TNNI3K: variants seen among roughly 807,000 people sequenced by gnomAD.
The protein encoded by TNNI3K is TNNI3 interacting kinase.
Under a neutral mutation model 114.5 loss-of-function variants are expected in TNNI3K, and 140 were observed. That is an observed-to-expected ratio of 1.22 (90% CI 1.07 to 1.41). TNNI3K has a LOEUF of 1.41. TNNI3K is among the 40% of genes most tolerant of loss of function. The pLI is 0.00. For missense variants in TNNI3K, 1,125 were observed against 1,007.6 expected (o/e 1.12, Z -1.58); for synonymous variants, 347 against 347.5 (o/e 1.00, Z 0.02).
At chr1:74,280,735 A>G (rs948600868) in intron 5 of TNNI3K, among the ~76,000 whole-genome samples, 1 of 152,130 alleles carries the variant, frequency 6.6e-6, no homozygotes, top group African/African-American at 2.4e-5. Flanking sequence ...TCCTGAAAAA[A>G]TTTGAAAGAC....
chr1:74,371,152 C>T (rs1662577169), intron 17 of TNNI3K: 1 of 151,856 alleles, frequency 6.6e-6, no homozygotes, highest in African/African-American at 2.4e-5. Context: ...CAATCACTTT[C>T]ATTTTATGAT....
At chr1:74,485,252 A>G (rs527634517) in intron 21 of TNNI3K, among the ~76,000 whole-genome samples, 1 of 152,338 alleles carries the variant, frequency 6.6e-6, no homozygotes, top group South Asian at 2.1e-4. Flanking sequence ...GAGTACAGTG[A>G]ATTTCCATGG....
chr1:74,512,530 A>C (rs1670281688), intron 23 of TNNI3K: 1 of 152,204 alleles, frequency 6.6e-6, no homozygotes, highest in South Asian at 2.1e-4. Context: ...ACTTACCCAA[A>C]GGTCTCACAG....
intron 17 of TNNI3K, among the ~76,000 whole-genome samples, chr1:74,383,338 G>A (rs1557534204): frequency 6.6e-6 from 1 of 151,742 alleles, no homozygotes; most frequent in Non-Finnish European, 1.5e-5. Flanking sequence ...GGCTTTCTTG[G>A]TGGAACTGCC....
Position 74,353,365 on chromosome 1 carries a change from G to T in TNNI3K, c.1027+5G>T. 2 of 1,613,262 alleles carry T rather than the reference G, an allele frequency of 1.2e-6. No homozygotes were observed. Among genetic ancestry groups the T allele is most frequent in the South Asian group, 2.2e-5 (2 of 90,890 alleles). On this transcript the variant is annotated splice_donor_5th_base_variant and intron_variant, in intron 10 of 24. Transcript: ENST00000326637. The stretch of plus-strand genomic sequence containing the variant: ...AAGGAAGGGATGGGCACACTGGTAA[G>T]ACTGTGGTGAAAACACCACTAGTTC...
intron 4 of TNNI3K, among the ~76,000 whole-genome samples, chr1:74,253,401 G>A (rs1655069073): frequency 6.6e-6 from 1 of 152,114 alleles, no homozygotes; most frequent in South Asian, 2.1e-4. Flanking sequence ...AGCACGCTTT[G>A]GGTAAGCTCG....
intron 4 of TNNI3K, among the ~76,000 whole-genome samples, chr1:74,252,840 A>G (rs1276597899): frequency 6.6e-6 from 1 of 152,172 alleles, no homozygotes; most frequent in East Asian, 1.9e-4. Context: ...CAGTAGCAAG[A>G]TTTATTGCAA....
At chr1:74,395,651 G>T (rs563249233) in intron 17 of TNNI3K, among the ~76,000 whole-genome samples, 27 of 152,288 alleles carry the variant, frequency 1.8e-4, no homozygotes, top group African/African-American at 6.0e-4. Flanking sequence ...CCCAATCCGT[G>T]GTTATGTCCT....
At chr1:74,287,825 C>T (rs1468959697) in intron 5 of TNNI3K, among the ~76,000 whole-genome samples, 2 of 151,982 alleles carry the variant, frequency 1.3e-5, no homozygotes, top group African/African-American at 2.4e-5. Context: ...TATTTGCAAA[C>T]CATACATCTG....
intron 4 of TNNI3K, among the ~76,000 whole-genome samples, chr1:74,257,111 C>G (rs1263339801): frequency 6.6e-6 from 1 of 152,018 alleles, no homozygotes; most frequent in African/African-American, 2.4e-5. Flanking sequence ...TAGATTATTT[C>G]TACTTATTTG....
intron 17 of TNNI3K, among the ~76,000 whole-genome samples, chr1:74,434,198 T>A (rs1487878377): frequency 6.6e-6 from 1 of 152,074 alleles, no homozygotes; most frequent in Non-Finnish European, 1.5e-5. Context: ...TGTTCTCTAA[T>A]TTCAAATTCC....
intron 4 of TNNI3K, among the ~76,000 whole-genome samples, chr1:74,256,212 C>G (rs1655285590): frequency 6.6e-6 from 1 of 150,384 alleles, no homozygotes; most frequent in African/African-American, 2.5e-5. Context: ...CAATTCCTTC[C>G]TACATTCCCA....
At position 74,353,346 on chromosome 1, in the gene TNNI3K, G is replaced by T. The variant is rs2100478258; in HGVS notation, c.1013G>T (p.Arg338Met). Residue 338 changes from arginine (R) to methionine (M), a missense_variant, in exon 10 of 25, where the codon AGG becomes ATG. Coordinates refer to ENST00000326637, the MANE Select transcript of TNNI3K (RefSeq NM_015978.3). Reference sequence around the variant, plus strand: ...GTCATAAACATCAACCACCAAGGAAGGGATGGGCACACTGGTAAGACTGTG... The same window carrying T: ...GTCATAAACATCAACCACCAAGGAATGGATGGGCACACTGGTAAGACTGTG... The part of the protein sequence containing the change: ...QNVININHQG[R>M]DGHTGLHSAC... 1 of 1,613,772 alleles carries T rather than the reference G, an allele frequency of 6.2e-7. No homozygotes were observed. The highest frequency in any genetic ancestry group is 1.1e-5 in the South Asian group (1 of 91,056).
chr1:74,324,851 G>C (rs930202166), intron 5 of TNNI3K, among the ~76,000 whole-genome samples: 1 of 152,166 alleles, frequency 6.6e-6, no homozygotes, highest in Non-Finnish European at 1.5e-5. Flanking sequence ...GATTGAGAGG[G>C]ATCACTGCTG....
intron 17 of TNNI3K, among the ~76,000 whole-genome samples, chr1:74,433,579 C>G (rs1265828577): frequency 2.0e-5 from 3 of 152,120 alleles, no homozygotes; most frequent in African/African-American, 7.2e-5. Context: ...TCTCATTCTG[C>G]AAAGTCACTT....
At chr1:74,543,531 A>C (rs1646752179) in intron 24 of TNNI3K, among the ~76,000 whole-genome samples, 1 of 152,194 alleles carries the variant, frequency 6.6e-6, no homozygotes, top group Non-Finnish European at 1.5e-5. Flanking sequence ...AGAAAGGTTA[A>C]GTTGACAAAA....
In TNNI3K at chr1:74,484,020, G is replaced by T. The variant is rs1035322090; in HGVS notation, c.2122-5169G>T. ...TTCTTTTTATTTTTTGCTTTTTCAT[G>T]TGTAAAATAGAAATAATAAATGTCT... On this transcript the variant is annotated intron_variant, in intron 21 of 24. Coordinates refer to ENST00000326637, the MANE Select transcript of TNNI3K (RefSeq NM_015978.3). 4.6e-5 allele frequency among the ~76,000 whole-genome samples: 7 copies of T among 151,928 alleles called. No individual in the cohort carries two copies. In the East Asian group the frequency reaches 1.4e-3, roughly 29 times the overall value.
chr1:74,459,503 C>G (rs1354975490), intron 20 of TNNI3K, among the ~76,000 whole-genome samples: 2 of 151,974 alleles, frequency 1.3e-5, no homozygotes, highest in Admixed American at 1.3e-4. Context: ...ACATTCCAGG[C>G]AAAAGGAATC....
chr1:74,505,275 G>A (rs190542882), intron 23 of TNNI3K, among the ~76,000 whole-genome samples: 70 of 152,232 alleles, frequency 4.6e-4, no homozygotes, highest in Admixed American at 1.6e-3. Context: ...GAGAACAACC[G>A]GCCTAATTAA....
Sources: allele counts gnomAD v4.1 joint callset (sites outside exome capture counted in the v4.1 genomes callset), GRCh38; gene constraint gnomAD v4.1.1; transcripts MANE v1.5; gene names NCBI Gene and HGNC (gene_info 2026-07-23, HGNC 2026-07-21).